Variants in FHIP1A observed in about 807,000 individuals in gnomAD.
The protein encoded by FHIP1A is FHF complex subunit HOOK interacting protein 1A, also known as FHF complex subunit HOOK-interacting protein 1A.
In FHIP1A, 61 loss-of-function variants were observed where a neutral mutation model predicts 88.6. The observed-to-expected ratio is 0.69, with a 90% CI of 0.56 to 0.85. The LOEUF is 0.85. Ranked by LOEUF, FHIP1A falls within the 40% of genes least tolerant of loss-of-function variation. FHIP1A has a pLI of 0.00. For synonymous variants in FHIP1A, 478 were observed against 496.0 expected, an observed-to-expected ratio of 0.96 and a Z score of 0.48; for missense variants, 1,154 against 1,273.5, an observed-to-expected ratio of 0.91 and a Z score of 1.43.
intron 7 of FHIP1A, among the ~76,000 whole-genome samples, chr4:151,617,862 G>T (rs1735600851): frequency 6.6e-6 from 1 of 152,092 alleles, no homozygotes; most frequent in Middle Eastern, 3.2e-3. Context: ...CTCCAGCCTG[G>T]GTGACAGAGA....
chr4:151,411,154 GC>G (rs1732623301), intron 1 of FHIP1A, among the ~76,000 whole-genome samples: 2 of 152,132 alleles, frequency 1.3e-5, no homozygotes, highest in Admixed American at 1.3e-4. Flanking sequence ...TCAGAGTGAT[GC>G]ATTGCTGGAC....
intron 3 of FHIP1A, among the ~76,000 whole-genome samples, chr4:151,565,075 C>G (rs1052455187): frequency 7.9e-5 from 12 of 152,058 alleles, no homozygotes; most frequent in Non-Finnish European, 1.8e-4. Context: ...ATGGCTACCC[C>G]CTGTTTTCTT....
intron 3 of FHIP1A, among the ~76,000 whole-genome samples, chr4:151,491,876 T>G (rs1237070429): frequency 6.6e-6 from 1 of 151,986 alleles, no homozygotes; most frequent in East Asian, 1.9e-4. Flanking sequence ...AAAACAGACT[T>G]TAAAGCAACA....
At chr4:151,652,893 A>T (rs1241908684) in intron 11 of FHIP1A, among the ~76,000 whole-genome samples, 2 of 152,220 alleles carry the variant, frequency 1.3e-5, no homozygotes, top group Non-Finnish European at 2.9e-5. Context: ...AAGCCAAGGA[A>T]TGGAAACCTT....
chr4:151,487,316 T>G (rs1196219507), intron 3 of FHIP1A, among the ~76,000 whole-genome samples: 1 of 152,216 alleles, frequency 6.6e-6, no homozygotes, highest in East Asian at 1.9e-4. Context: ...TCCTCTTCTT[T>G]TCAGTCTTTT....
At chr4:151,447,998 T>C (rs1004544957) in intron 1 of FHIP1A, among the ~76,000 whole-genome samples, 1 of 152,146 alleles carries the variant, frequency 6.6e-6, no homozygotes, top group Non-Finnish European at 1.5e-5. Context: ...AACCTCCACC[T>C]CCCAGGTTCA....
chr4:151,432,972 A>G (rs750382689), intron 1 of FHIP1A, among the ~76,000 whole-genome samples: 1 of 152,082 alleles, frequency 6.6e-6, no homozygotes, highest in Non-Finnish European at 1.5e-5. Context: ...ACATGCAGAG[A>G]TGAAGGGAAG....
chr4:151,426,097 AAAAC>A (rs1418458341), intron 1 of FHIP1A, among the ~76,000 whole-genome samples: 1 of 152,190 alleles, frequency 6.6e-6, no homozygotes, highest in African/African-American at 2.4e-5. Context: ...TGCTTTTAAA[AAAAC>A]AAGCGGGGCG....
At chr4:151,513,755 A>C (rs1731122277) in intron 3 of FHIP1A, among the ~76,000 whole-genome samples, 1 of 151,988 alleles carries the variant, frequency 6.6e-6, no homozygotes, top group Non-Finnish European at 1.5e-5. Context: ...AGAGCTAACT[A>C]TCCTAAATAT....
intron 7 of FHIP1A, among the ~76,000 whole-genome samples, chr4:151,609,010 G>T (rs1478272167): frequency 6.6e-6 from 1 of 152,144 alleles, no homozygotes; most frequent in Admixed American, 6.5e-5. Context: ...CATTGTTCAG[G>T]ATGCTGGCCA....
chr4:151,489,560 G>A (rs1414314542), intron 3 of FHIP1A, among the ~76,000 whole-genome samples: 1 of 152,194 alleles, frequency 6.6e-6, no homozygotes, highest in Non-Finnish European at 1.5e-5. Context: ...TGCTTTCTCA[G>A]CAGGGAGGCT....
intron 1 of FHIP1A, among the ~76,000 whole-genome samples, chr4:151,435,257 C>T (rs1280588217): frequency 1.3e-5 from 2 of 152,122 alleles, no homozygotes; most frequent in Non-Finnish European, 2.9e-5. Flanking sequence ...ACCAACTTCT[C>T]TTCATTCTCT....
intron 3 of FHIP1A, among the ~76,000 whole-genome samples, chr4:151,557,025 T>C (rs1732973072): frequency 6.6e-6 from 1 of 152,184 alleles, no homozygotes; most frequent in African/African-American, 2.4e-5. Context: ...TTTTGCCTTA[T>C]TCAGTAACAT....
intron 3 of FHIP1A, among the ~76,000 whole-genome samples, chr4:151,556,424 A>G (rs1732949535): frequency 6.6e-6 from 1 of 152,196 alleles, no homozygotes; most frequent in Admixed American, 6.5e-5. Context: ...TGGGTTTTCA[A>G]AACATTTTAG....
intron 13 of FHIP1A, among the ~76,000 whole-genome samples, chr4:151,659,562 T>A (rs200196303): frequency 6.6e-6 from 1 of 152,246 alleles, no homozygotes; most frequent in East Asian, 1.9e-4. Context: ...CTTCCCAGTA[T>A]TAGTCTTGAA....
At chr4:151,461,675 A>G (rs371695469) in intron 2 of FHIP1A, among the ~76,000 whole-genome samples, 31 of 152,336 alleles carry the variant, frequency 2.0e-4, no homozygotes, top group African/African-American at 7.2e-4. Context: ...TAGGGGCTAT[A>G]TTAGCCTCCA....
intron 1 of FHIP1A, among the ~76,000 whole-genome samples, chr4:151,409,993 C>G (rs935302283): frequency 6.6e-6 from 1 of 152,138 alleles, no homozygotes; most frequent in Non-Finnish European, 1.5e-5. Flanking sequence ...AAACTGCGTT[C>G]AAGTCGTGGT....
intron 7 of FHIP1A, among the ~76,000 whole-genome samples, chr4:151,615,063 CAGA>C (rs1225916485): frequency 6.6e-6 from 1 of 152,086 alleles, no homozygotes. Context: ...AATTGGTTGG[CAGA>C]AGGATGGCAG....
intron 2 of FHIP1A, among the ~76,000 whole-genome samples, chr4:151,459,472 T>G (rs570058057): frequency 3.9e-4 from 59 of 152,302 alleles, no homozygotes; most frequent in Middle Eastern, 3.4e-3. Context: ...AATGATCACT[T>G]TCCTAAAAGG....
Sources: gnomAD v4.1 joint callset for allele counts (sites outside exome capture counted in the v4.1 genomes callset) on GRCh38, gnomAD v4.1.1 for gene constraint, MANE v1.5 for transcripts, NCBI Gene and HGNC (gene_info 2026-07-23, HGNC 2026-07-21) for gene names.